NOP58: variants seen among roughly 807,000 people sequenced by gnomAD.
NOP58 encodes nucleolar protein 58.
A neutral mutation model predicts 71.2 loss-of-function variants in NOP58; 44 were observed. That is an observed-to-expected ratio of 0.62 (90% CI 0.49 to 0.79). The LOEUF is 0.79. Ranked by LOEUF, NOP58 falls within the 30% of genes least tolerant of loss-of-function variation. The pLI is 0.00. For synonymous variants in NOP58, 228 were observed against 200.3 expected, an observed-to-expected ratio of 1.14 and a Z score of -1.17; for missense variants, 538 against 620.2, an observed-to-expected ratio of 0.87 and a Z score of 1.41.
Position 202,297,385 on chromosome 2 carries a change from C to G in NOP58, c.1078C>G (p.Arg360Gly), listed in dbSNP as rs1254137276. The G allele has an allele frequency of 6.2e-7, 1 of 1,611,300 alleles. No individual in the cohort carries two copies. The change falls in exon 11 of 15, where the codon CGA (arginine) becomes GGA (glycine). Residue 360 changes from arginine (R) to glycine (G), a missense_variant. Physicochemically the swap from Arg to Gly is moderately radical, Grantham distance 125 (BLOSUM62 -2). Transcript: ENST00000264279. ...TSPKHKGKISRMLAAKTVLAI... is the reference protein window; with the variant it reads ...TSPKHKGKISGMLAAKTVLAI... The stretch of plus-strand genomic sequence containing the variant: ...CTTCATGTTTTTCTATTAGATTTCT[C>G]GAATGCTGGCAGCCAAAACCGTTTT...
chr2:202,268,673 G>A (rs868571598), intron 1 of NOP58, among the ~76,000 whole-genome samples: 1 of 150,032 alleles, frequency 6.7e-6, no homozygotes, highest in Non-Finnish European at 1.5e-5. Flanking sequence ...GTGCAATGGC[G>A]CGATCTTGGC....
chr2:202,278,375 G>A, intron 3 of NOP58: 1 of 447,674 alleles, frequency 2.2e-6, no homozygotes. Flanking sequence ...TAATCCAAGG[G>A]TAGAGTTGTA....
chr2:202,266,025 T>C (rs2105832768), intron 1 of NOP58, 39 bp downstream of exon 1: 1 of 1,609,412 alleles, frequency 6.2e-7, no homozygotes, highest in East Asian at 2.2e-5. Context: ...GGAAGGCGGA[T>C]GCTGGACAGA....
intron 13 of NOP58, among the ~76,000 whole-genome samples, chr2:202,301,977 T>C (rs1689099530): frequency 6.6e-6 from 1 of 152,174 alleles, no homozygotes; most frequent in African/African-American, 2.4e-5. Context: ...ACGAATATTT[T>C]TGCCTCTTGT....
At chr2:202,302,792 A>C in intron 13 of NOP58, 129 bp from the exon 14 acceptor site, 1 of 1,302,508 alleles carries the variant, frequency 7.7e-7, no homozygotes, top group South Asian at 1.6e-5. Flanking sequence ...TCCCAATTAT[A>C]AAATAAACAA....
intron 5 of NOP58, among the ~76,000 whole-genome samples, chr2:202,287,291 A>T (rs1361268826): frequency 6.6e-6 from 1 of 151,850 alleles, no homozygotes; most frequent in Non-Finnish European, 1.5e-5. Flanking sequence ...TTGGTCTCGA[A>T]CTCCTAACAG....
intron 5 of NOP58, among the ~76,000 whole-genome samples, chr2:202,286,331 C>T (rs1461991770): frequency 1.3e-5 from 2 of 150,776 alleles, no homozygotes; most frequent in Non-Finnish European, 2.9e-5. Context: ...AGTGAAACCC[C>T]GTCTCTACTA....
At position 202,265,775 on chromosome 2, in the gene NOP58, C is replaced by G; in HGVS notation, c.-167C>G. 3.0e-6 allele frequency: 2 copies of G among 674,744 alleles called. No homozygotes were observed. Among genetic ancestry groups the G allele is most frequent in the South Asian group, 1.7e-5 (1 of 57,268 alleles). The allele number at this position is 674,744 out of a possible 1,614,324, so 41.8% of individuals were successfully genotyped here. On this transcript the variant is annotated 5_prime_UTR_variant, in exon 1 of 15. Coordinates refer to ENST00000264279, the MANE Select transcript of NOP58 (RefSeq NM_015934.5). The stretch of plus-strand genomic sequence containing the variant: ...GCGTTCGTGCGTCCTAGTTCCAGTA[C>G]AGCGTGGAGGGTTTAGGCAGCGTGT...
In NOP58 at chr2:202,292,794, A is replaced by G. The variant is rs1051935865; in HGVS notation, c.798A>G (p.Glu266=). The G allele has an allele frequency of 1.9e-6, 3 of 1,611,462 alleles. No homozygotes were observed. Among genetic ancestry groups the G allele is most frequent in the Non-Finnish European group, 2.5e-6 (3 of 1,177,538 alleles). ...TATACTAGGTGATTGAAATCTCTGA[A>G]TATCGAACCCAGCTCTATGAATATC... ...HLCTQVIEIS[E]YRTQLYEYLQ... The change falls in exon 9 of 15, where the codon GAA becomes GAG. Residue 266 remains glutamate (E), a synonymous_variant. Coordinates refer to ENST00000264279, the MANE Select transcript of NOP58 (RefSeq NM_015934.5).
At chr2:202,294,243 C>T (rs145884585) in intron 9 of NOP58, among the ~76,000 whole-genome samples, 212 of 148,730 alleles carry the variant, frequency 1.4e-3, no homozygotes, top group African/African-American at 5.0e-3. Context: ...TGCTTGAACC[C>T]GGGAGGTGGA....
chr2:202,277,121 A>C (rs948201813), intron 2 of NOP58, among the ~76,000 whole-genome samples: 1 of 152,154 alleles, frequency 6.6e-6, no homozygotes, highest in Admixed American at 6.5e-5. Context: ...CCCCGTCTCT[A>C]CGAAAAATAC....
chr2:202,289,406 C>T (rs955127585), intron 6 of NOP58, among the ~76,000 whole-genome samples: 5 of 152,186 alleles, frequency 3.3e-5, no homozygotes, highest in South Asian at 2.1e-4. Context: ...CCTGACCACA[C>T]GTCAAAACTT....
At chr2:202,292,635 G>C in intron 8 of NOP58, 142 bp from the exon 9 acceptor site, 1 of 614,972 alleles carries the variant, frequency 1.6e-6, no homozygotes, top group Non-Finnish European at 2.8e-6. Context: ...AAAGAAAACT[G>C]ATGTTAGGCA....
In NOP58 at chr2:202,269,804, A is replaced by C. The variant is rs540963148; in HGVS notation, c.45+3818A>C. 5.9e-5 allele frequency among the ~76,000 whole-genome samples: 9 copies of C among 152,328 alleles called. No homozygotes were observed. In the South Asian group the frequency reaches 1.9e-3, roughly 32 times the overall value. Reference sequence around the variant, plus strand: ...GTCCTTGTGTCACGTGGCACACAGCATAAGATTTTAGTCTTGCTCATACCA... The same window carrying C: ...GTCCTTGTGTCACGTGGCACACAGCCTAAGATTTTAGTCTTGCTCATACCA... On this transcript the variant is annotated intron_variant, in intron 1 of 14. Transcript: ENST00000264279.
At chr2:202,302,778 A>G in intron 13 of NOP58, 143 bp from the exon 14 acceptor site, 1 of 1,141,478 alleles carries the variant, frequency 8.8e-7, no homozygotes, top group Non-Finnish European at 1.2e-6. Flanking sequence ...GCCTTGGAGA[A>G]CCTTCCCAAT....
intron 1 of NOP58, among the ~76,000 whole-genome samples, chr2:202,270,788 A>G (rs1688500796): frequency 6.6e-6 from 1 of 152,108 alleles, no homozygotes; most frequent in Non-Finnish European, 1.5e-5. Context: ...CAAGCAATCA[A>G]TTAAAAATGA....
At chr2:202,271,747 A>G (rs935583792) in intron 1 of NOP58, among the ~76,000 whole-genome samples, 1 of 152,164 alleles carries the variant, frequency 6.6e-6, no homozygotes, top group African/African-American at 2.4e-5. Context: ...GTTAGAGATC[A>G]GCCTGGGCAA....
intron 13 of NOP58, among the ~76,000 whole-genome samples, 193 bp from the exon 14 acceptor site, chr2:202,302,728 T>C (rs965932893): frequency 2.0e-5 from 3 of 152,220 alleles, no homozygotes; most frequent in Non-Finnish European, 4.4e-5. Flanking sequence ...AGAAGATTGC[T>C]CTGAGCTCTA....
At chr2:202,293,673 C>A (rs555981043) in intron 9 of NOP58, among the ~76,000 whole-genome samples, 2 of 152,248 alleles carry the variant, frequency 1.3e-5, no homozygotes, top group Non-Finnish European at 2.9e-5. Flanking sequence ...CAGGTTCAAG[C>A]AATTCTCCTG....
Sources: allele counts gnomAD v4.1 joint callset (sites outside exome capture counted in the v4.1 genomes callset), GRCh38; gene constraint gnomAD v4.1.1; transcripts MANE v1.5; gene names NCBI Gene and HGNC (gene_info 2026-07-23, HGNC 2026-07-21).